Variants in SLC5A12 observed in about 807,000 individuals in gnomAD.
SLC5A12 encodes solute carrier family 5 member 12, also known as sodium-coupled monocarboxylate transporter 2.
SLC5A12 carries 46 observed loss-of-function variants against 72.7 expected under a neutral mutation model. That is an observed-to-expected ratio of 0.63 (90% CI 0.50 to 0.81). The LOEUF (loss-of-function observed/expected upper bound fraction) is 0.81, where lower values mean the gene tolerates loss of function less well. Among genes scored for constraint, SLC5A12 ranks in the 30% least tolerant of loss-of-function variants. SLC5A12 has a pLI of 0.00. For missense variants in SLC5A12, 683 were observed against 740.7 expected (o/e 0.92, Z 0.90); for synonymous variants, 275 against 264.4 (o/e 1.04, Z -0.39).
intron 12 of SLC5A12, among the ~76,000 whole-genome samples, chr11:26,680,064 A>G (rs144717711): frequency 6.6e-6 from 1 of 152,012 alleles, no homozygotes; most frequent in African/African-American, 2.4e-5. Flanking sequence ...GACTTTCATG[A>G]ATGCAATTTG....
rs769066971 is a variant in SLC5A12, at chr11:26,721,393, T to C, written c.322A>G (p.Ile108Val). 1.6e-5 allele frequency: 26 copies of C among 1,612,512 alleles called. No homozygotes were observed. The Admixed American group carries it at 4.0e-4, about 25-fold the overall frequency. Residue 108 changes from isoleucine (I) to valine (V), a missense_variant, in exon 1 of 15, where the codon ATC becomes GTC. By Grantham distance (29) the Ile-to-Val change is conservative. Coordinates refer to ENST00000396005, the MANE Select transcript of SLC5A12 (RefSeq NM_178498.4). ...LFLPVFYRSG[I>V]TSTYEYLQLR... ...CATCTTACCTCATAAGTGCTGGTGA[T>C]ACCAGATCTGTAGAACACAGGGAGA...
intron 6 of SLC5A12, among the ~76,000 whole-genome samples, chr11:26,703,238 A>G (rs1437563630): frequency 2.0e-5 from 3 of 152,170 alleles, no homozygotes; most frequent in Admixed American, 6.6e-5. Context: ...TGCCACCCAC[A>G]GTACCTAATT....
intron 13 of SLC5A12, among the ~76,000 whole-genome samples, chr11:26,676,120 T>C (rs1041025830): frequency 6.6e-6 from 1 of 152,170 alleles, no homozygotes; most frequent in Non-Finnish European, 1.5e-5. Flanking sequence ...TTGATCTGTC[T>C]CTCATCGTTA....
chr11:26,692,400 G>T, intron 9 of SLC5A12, 89 bp downstream of exon 9: 1 of 845,904 alleles, frequency 1.2e-6, no homozygotes, highest in Non-Finnish European at 2.0e-6. Context: ...GTGTTTATAA[G>T]TGTGTCCTGA....
At chr11:26,709,229 A>T in intron 4 of SLC5A12, 83 bp downstream of exon 4, 1 of 987,080 alleles carries the variant, frequency 1.0e-6, no homozygotes, top group Non-Finnish European at 1.5e-6. Context: ...ATTCTGCTAT[A>T]ATTAGATGCC....
At chr11:26,672,739 C>G (rs1178819000) in intron 14 of SLC5A12, among the ~76,000 whole-genome samples, 1 of 152,054 alleles carries the variant, frequency 6.6e-6, no homozygotes, top group African/African-American at 2.4e-5. Flanking sequence ...GCTGATGAAA[C>G]CTTAATAGAA....
chr11:26,712,443 C>T (rs775803967), intron 2 of SLC5A12, among the ~76,000 whole-genome samples, 198 bp downstream of exon 2: 6 of 152,142 alleles, frequency 3.9e-5, no homozygotes, highest in East Asian at 3.9e-4. Flanking sequence ...CACACACAAA[C>T]GGCTTTTTTT....
At chr11:26,700,179 T>C (rs926933734) in intron 6 of SLC5A12, among the ~76,000 whole-genome samples, 1 of 152,206 alleles carries the variant, frequency 6.6e-6, no homozygotes, top group Non-Finnish European at 1.5e-5. Flanking sequence ...GGAGGTTATA[T>C]AGCCATACAG....
At chr11:26,704,871 G>C (rs141824449) in intron 4 of SLC5A12, among the ~76,000 whole-genome samples, 13 of 152,136 alleles carry the variant, frequency 8.5e-5, no homozygotes, top group Admixed American at 6.6e-5. Context: ...TGAGATGGTA[G>C]AATATCAAAC....
chr11:26,700,754 T>C (rs542789550), intron 6 of SLC5A12, among the ~76,000 whole-genome samples: 5 of 152,118 alleles, frequency 3.3e-5, no homozygotes, highest in Non-Finnish European at 7.4e-5. Context: ...CATGTAAGTG[T>C]CTCAGTAAGT....
In SLC5A12 at chr11:26,668,130, C is replaced by T. The variant is rs1354153654; in HGVS notation, c.*2972G>A. ...AAAATTACCTAGATTTGTGTCAGAA[C>T]TCGTGTTTGAACCTAAGCCATTTGA... is the stretch of plus-strand genomic sequence containing the variant. On this transcript the variant is annotated 3_prime_UTR_variant, in exon 15 of 15. Coordinates refer to ENST00000396005, the MANE Select transcript of SLC5A12 (RefSeq NM_178498.4). 1 of 151,914 alleles carries T rather than the reference C, an allele frequency of 6.6e-6. No homozygotes were observed. The highest frequency in any genetic ancestry group is 1.9e-4 in the East Asian group (1 of 5,176). The allele number at this position is 151,914 out of a possible 1,614,324, so 9.4% of individuals were successfully genotyped here.
At chr11:26,687,492 T>C (rs1277084292) in intron 9 of SLC5A12, among the ~76,000 whole-genome samples, 1 of 152,204 alleles carries the variant, frequency 6.6e-6, no homozygotes, top group Non-Finnish European at 1.5e-5. Context: ...GATGAGACAC[T>C]GCACCAGATG....
At chr11:26,671,760 G>A (rs1854150011) in intron 14 of SLC5A12, among the ~76,000 whole-genome samples, 1 of 152,116 alleles carries the variant, frequency 6.6e-6, no homozygotes, top group African/African-American at 2.4e-5. Context: ...GAAGCTGGCT[G>A]CCTGCATTAA....
At chr11:26,721,351 G>A (rs746336350) in intron 1 of SLC5A12, 25 bp downstream of exon 1, 4 of 1,543,578 alleles carry the variant, frequency 2.6e-6, no homozygotes, top group South Asian at 2.5e-5. Flanking sequence ...AAAAAAATTA[G>A]AGAAGAATGG....
At chr11:26,697,993 G>C (rs1854865000) in intron 7 of SLC5A12, among the ~76,000 whole-genome samples, 1 of 149,170 alleles carries the variant, frequency 6.7e-6, no homozygotes, top group South Asian at 2.1e-4. Flanking sequence ...TGCCTCCTAG[G>C]TTCAAGCAAT....
chr11:26,722,819 T>G (rs540174244), upstream of SLC5A12, among the ~76,000 whole-genome samples: 2 of 151,316 alleles, frequency 1.3e-5, no homozygotes, highest in Non-Finnish European at 2.9e-5. Context: ...CTTCTCCTCC[T>G]TCTTCAGTGG....
chr11:26,685,028 T>C (rs1854496174), intron 10 of SLC5A12, among the ~76,000 whole-genome samples: 1 of 152,198 alleles, frequency 6.6e-6, no homozygotes, highest in South Asian at 2.1e-4. Flanking sequence ...AAAGCATCTG[T>C]GATGAAACAG....
chr11:26,721,857 G>T lies in SLC5A12; in HGVS notation c.-143C>A, dbSNP rs543796411. 8.1e-6 allele frequency: 6 copies of T among 736,306 alleles called. No homozygotes were observed. The highest frequency in any genetic ancestry group is 9.1e-6 in the Non-Finnish European group (4 of 437,792). 45.6% of individuals were successfully genotyped at this position (736,306 alleles called of 1,614,324 possible). A position where few individuals can be genotyped will look rare whatever the true frequency, so the allele number is the denominator to read the frequency against. On this transcript the variant is annotated 5_prime_UTR_variant, in exon 1 of 15. Coordinates refer to ENST00000396005, the MANE Select transcript of SLC5A12 (RefSeq NM_178498.4). The stretch of plus-strand genomic sequence containing the variant: ...AAGAAAATGATTACCAGAGGCACTC[G>T]TGTGAATCTTCAGACACCAACGTGT...
chr11:26,716,964 A>C (rs2133222892), intron 1 of SLC5A12, among the ~76,000 whole-genome samples: 1 of 152,226 alleles, frequency 6.6e-6, no homozygotes, highest in South Asian at 2.1e-4. Context: ...CTAGAGTAAA[A>C]GCTAATCCCT....
Sources: gnomAD v4.1 joint callset for allele counts (sites outside exome capture counted in the v4.1 genomes callset) on GRCh38, gnomAD v4.1.1 for gene constraint, MANE v1.5 for transcripts, NCBI Gene and HGNC (gene_info 2026-07-23, HGNC 2026-07-21) for gene names.